Variants in ROBO2 observed in about 807,000 individuals in gnomAD.
ROBO2 encodes roundabout guidance receptor 2.
In ROBO2, 53 loss-of-function variants were observed where a neutral mutation model predicts 160.8. That is an observed-to-expected ratio of 0.33 (90% CI 0.26 to 0.41). The LOEUF (loss-of-function observed/expected upper bound fraction) is 0.41. Among genes scored for constraint, ROBO2 ranks in the 10% least tolerant of loss-of-function variants. The pLI, the probability that ROBO2 is intolerant of heterozygous loss-of-function variation, is 1.00. For synonymous variants in ROBO2, 664 were observed against 611.7 expected (o/e 1.09, Z -1.26); for missense variants, 1,577 against 1,722.4 (o/e 0.92, Z 1.49).
At chr3:76,616,177 CTAATG>C (rs1227567274) in intron 2 of ROBO2, among the ~76,000 whole-genome samples, 1 of 152,202 alleles carries the variant, frequency 6.6e-6, no homozygotes, top group Non-Finnish European at 1.5e-5. Context: ...AACTGATACT[CTAATG>C]TATTTTTTAA....
At chr3:76,078,528 G>A (rs1374797687) in intron 2 of ROBO2, among the ~76,000 whole-genome samples, 1 of 151,992 alleles carries the variant, frequency 6.6e-6, no homozygotes, top group Non-Finnish European at 1.5e-5. Context: ...ACCTTGCTCA[G>A]CTAATTTTCA....
chr3:77,249,540 T>G (rs140614423), intron 2 of ROBO2, among the ~76,000 whole-genome samples: 181 of 152,300 alleles, frequency 1.2e-3, no homozygotes, highest in African/African-American at 4.0e-3. Flanking sequence ...TATCTTCATA[T>G]TGCAAGAGAT....
intron 2 of ROBO2, among the ~76,000 whole-genome samples, chr3:76,649,907 A>G (rs2091173362): frequency 1.3e-5 from 2 of 152,176 alleles, no homozygotes; most frequent in Admixed American, 1.3e-4. Context: ...ATTGATGATT[A>G]AAACTAGTTT....
chr3:77,390,663 G>T (rs1250375653), intron 2 of ROBO2, among the ~76,000 whole-genome samples: 1 of 152,058 alleles, frequency 6.6e-6, no homozygotes, highest in Non-Finnish European at 1.5e-5. Context: ...CGTGATAACA[G>T]ATAATAAAGC....
intron 2 of ROBO2, among the ~76,000 whole-genome samples, chr3:76,264,615 C>T (rs1339538244): frequency 6.6e-6 from 1 of 152,080 alleles, no homozygotes; most frequent in Non-Finnish European, 1.5e-5. Context: ...GTTACAGATT[C>T]ATAGTGGTCA....
At chr3:75,982,987 T>C (rs72890330) in intron 2 of ROBO2, among the ~76,000 whole-genome samples, 1 of 151,484 alleles carries the variant, frequency 6.6e-6, no homozygotes, top group Non-Finnish European at 1.5e-5. Context: ...GCACTCGCAA[T>C]GTGAGGAAGG....
chr3:76,098,483 A>G (rs1293853024), intron 2 of ROBO2, among the ~76,000 whole-genome samples: 1 of 152,156 alleles, frequency 6.6e-6, no homozygotes, highest in Middle Eastern at 3.2e-3. Context: ...GAAATATACT[A>G]AATAAAATCA....
intron 2 of ROBO2, among the ~76,000 whole-genome samples, chr3:77,404,242 A>T (rs1268008824): frequency 6.6e-6 from 1 of 152,146 alleles, no homozygotes; most frequent in Non-Finnish European, 1.5e-5. Flanking sequence ...CAGCCCCTCT[A>T]TATAAACATT....
chr3:76,121,167 A>G (rs1236942045), intron 2 of ROBO2, among the ~76,000 whole-genome samples: 1 of 152,166 alleles, frequency 6.6e-6, no homozygotes, highest in Non-Finnish European at 1.5e-5. Context: ...ATACCATTTA[A>G]TGAGGACAGC....
At position 76,729,099 on chromosome 3, in the gene ROBO2, C is replaced by T. The variant is rs151138483; in HGVS notation, c.110-368915C>T. On this transcript the variant is annotated intron_variant, in intron 2 of 26. Transcript: ENST00000487694. The stretch of plus-strand genomic sequence containing the variant: ...TCAGTCATTTGAGACAGTTTCAACC[C>T]TGATATACTAAAATCATAACAGTCC... 4.5e-3 allele frequency among the ~76,000 whole-genome samples: 679 copies of T among 152,214 alleles called. 5 individuals carry two copies. The highest frequency in any genetic ancestry group is 0.016 in the African/African-American group (650 of 41,530).
intron 2 of ROBO2, among the ~76,000 whole-genome samples, chr3:76,884,641 A>G (rs554757029): frequency 5.2e-4 from 79 of 152,320 alleles, no homozygotes; most frequent in African/African-American, 1.8e-3. Context: ...TCAAGGAAAC[A>G]GATTTTTATT....
chr3:75,954,669 T>G (rs554931166), intron 2 of ROBO2, among the ~76,000 whole-genome samples: 1 of 151,906 alleles, frequency 6.6e-6, no homozygotes, highest in Non-Finnish European at 1.5e-5. Flanking sequence ...ACAAAAGTTG[T>G]GTACTGTACC....
intron 2 of ROBO2, among the ~76,000 whole-genome samples, chr3:76,752,816 T>TA (rs5850287): frequency 0.66 from 98,967 of 150,890 alleles, 32,665 homozygotes; most frequent in African/African-American, 0.74. Context: ...ATGCAGCATT[T>TA]AAAAAAAAAC....
At chr3:76,891,053 CT>C (rs2074307908) in intron 2 of ROBO2, among the ~76,000 whole-genome samples, 1 of 152,230 alleles carries the variant, frequency 6.6e-6, no homozygotes, top group Admixed American at 6.5e-5. Flanking sequence ...GCTTTTTCAG[CT>C]TCAAAATCTC....
chr3:76,415,215 G>A (rs1466902190), intron 2 of ROBO2, among the ~76,000 whole-genome samples: 4 of 152,052 alleles, frequency 2.6e-5, no homozygotes, highest in African/African-American at 9.7e-5. Context: ...CACTTCACGG[G>A]GTCCCCATAT....
intron 2 of ROBO2, among the ~76,000 whole-genome samples, chr3:77,216,835 TA>T (rs1221422302): frequency 6.6e-6 from 1 of 152,198 alleles, no homozygotes; most frequent in African/African-American, 2.4e-5. Context: ...TAGAATGCCA[TA>T]TTTTTTTCAA....
chr3:76,640,006 G>A (rs1402026917), intron 2 of ROBO2, among the ~76,000 whole-genome samples: 1 of 152,156 alleles, frequency 6.6e-6, no homozygotes, highest in Admixed American at 6.5e-5. Flanking sequence ...ACGGGGTTAT[G>A]ATTCAGCAAG....
chr3:75,957,004 C>T (rs1948743184), intron 2 of ROBO2, among the ~76,000 whole-genome samples: 1 of 151,626 alleles, frequency 6.6e-6, no homozygotes. Context: ...TTATTAGATA[C>T]TTTAGAGTTT....
chr3:76,858,836 T>G (rs1418601978), intron 2 of ROBO2, among the ~76,000 whole-genome samples: 1 of 152,146 alleles, frequency 6.6e-6, no homozygotes, highest in Non-Finnish European at 1.5e-5. Flanking sequence ...GGTATCAACT[T>G]TGGTGGAGCA....
Sources: gnomAD v4.1 joint callset for allele counts (sites outside exome capture counted in the v4.1 genomes callset) on GRCh38, gnomAD v4.1.1 for gene constraint, MANE v1.5 for transcripts, NCBI Gene and HGNC (gene_info 2026-07-23, HGNC 2026-07-21) for gene names.